Variants in TCF20 observed in about 807,000 individuals in gnomAD.
The protein encoded by TCF20 is transcription factor 20, also known as SPRE-binding protein.
A neutral mutation model predicts 148.6 loss-of-function variants in TCF20; 3 were observed. That is an observed-to-expected ratio of 0.02 (90% CI 0.01 to 0.05). The LOEUF is 0.05. TCF20 is among the 10% of genes least tolerant of loss of function. The probability of loss-of-function intolerance (pLI) is 1.00; values close to 1 mark genes in which losing one functional copy is unlikely to be tolerated. For synonymous variants in TCF20, 1,049 were observed against 909.5 expected (o/e 1.15, Z -2.76); for missense variants, 2,350 against 2,429.3 (o/e 0.97, Z 0.69).
chr22:42,260,426 A>C (rs1925966112), intron 1 of TCF20, among the ~76,000 whole-genome samples: 1 of 152,182 alleles, frequency 6.6e-6, no homozygotes. Flanking sequence ...AAGTGGAAAA[A>C]ATGGTTTGGG....
chr22:42,183,308 T>C (rs550308182), intron 2 of TCF20, among the ~76,000 whole-genome samples: 304 of 152,304 alleles, frequency 2.0e-3, no homozygotes, highest in African/African-American at 7.1e-3. Context: ...TGATCTTATA[T>C]ATACAAAATC....
chr22:42,326,916 T>C (rs1326678575), intron 1 of TCF20, among the ~76,000 whole-genome samples: 1 of 152,150 alleles, frequency 6.6e-6, no homozygotes, highest in African/African-American at 2.4e-5. Context: ...ACTCACTCAA[T>C]CCTTTACCAA....
intron 3 of TCF20, among the ~76,000 whole-genome samples, chr22:42,174,967 G>A (rs889885038): frequency 2.1e-4 from 32 of 151,690 alleles, no homozygotes; most frequent in African/African-American, 9.7e-5. Context: ...CCCGGGAGGC[G>A]GAGCTTGCAG....
chr22:42,238,314 G>A (rs865915135), intron 1 of TCF20, among the ~76,000 whole-genome samples: 1 of 152,194 alleles, frequency 6.6e-6, no homozygotes, highest in Admixed American at 6.5e-5. Context: ...AGTGAAAAGA[G>A]AAAGTCTTGC....
intron 1 of TCF20, among the ~76,000 whole-genome samples, chr22:42,239,512 G>A (rs1446362349): frequency 2.0e-5 from 3 of 151,926 alleles, no homozygotes; most frequent in Non-Finnish European, 4.4e-5. Flanking sequence ...TTCAGGCCAG[G>A]TGTGGTGGCT....
At chr22:42,323,184 G>A (rs1050996050) in intron 1 of TCF20, among the ~76,000 whole-genome samples, 13 of 151,740 alleles carry the variant, frequency 8.6e-5, no homozygotes, top group Non-Finnish European at 1.2e-4. Context: ...TTACAGGCGT[G>A]AGCCACCACG....
At chr22:42,241,016 C>T (rs1039511056) in intron 1 of TCF20, among the ~76,000 whole-genome samples, 5 of 152,170 alleles carry the variant, frequency 3.3e-5, no homozygotes, top group South Asian at 2.1e-4. Flanking sequence ...CCATCACGCC[C>T]GGCTAATTTC....
chr22:42,278,605 T>A (rs1223399622), intron 1 of TCF20: 1 of 152,246 alleles, frequency 6.6e-6, no homozygotes, highest in Non-Finnish European at 1.5e-5. Context: ...AGGAGGAGGC[T>A]GCCTGGGTTT....
intron 1 of TCF20, among the ~76,000 whole-genome samples, chr22:42,229,386 T>C (rs1460653232): frequency 6.6e-6 from 1 of 152,200 alleles, no homozygotes; most frequent in African/African-American, 2.4e-5. Context: ...CGGCAGGATA[T>C]CCAGTCTGTA....
chr22:42,225,470 C>T (rs909939336), intron 1 of TCF20, among the ~76,000 whole-genome samples: 107 of 150,602 alleles, frequency 7.1e-4, no homozygotes, highest in African/African-American at 2.5e-3. Flanking sequence ...AAAAATTAGC[C>T]GGGCGCGGTG....
rs1230673418 is a variant in TCF20, at chr22:42,317,753, G to A, written c.-37+25726C>T. Among the ~76,000 whole-genome samples, 1 of 152,326 alleles carries A rather than the reference G, an allele frequency of 6.6e-6. No homozygotes were observed. The highest frequency in any genetic ancestry group is 2.1e-4 in the South Asian group (1 of 4,826). ...GTGGGGAGGGTGGAAGAAGGGAGCC[G>A]AGGTGGGCACAGGGCGATCCCTCCC... On this transcript the variant is annotated intron_variant, in intron 1 of 1. Transcript: ENST00000515426. The surrounding 1 kb of genome is among the most constrained non-coding windows in gnomAD (Gnocchi z 4.2).
At chr22:42,263,529 C>A (rs184137942) in intron 1 of TCF20, among the ~76,000 whole-genome samples, 1 of 152,120 alleles carries the variant, frequency 6.6e-6, no homozygotes, top group Non-Finnish European at 1.5e-5. Flanking sequence ...TTTTAGCCAC[C>A]TATCAGGAGT....
At chr22:42,184,267 G>A (rs768782603) in intron 2 of TCF20, among the ~76,000 whole-genome samples, 7 of 152,132 alleles carry the variant, frequency 4.6e-5, no homozygotes, top group Non-Finnish European at 8.8e-5. Flanking sequence ...AGAGAACTTA[G>A]AACTTTACCT....
In TCF20 at chr22:42,294,089, A is replaced by T. The variant is rs1927182026; in HGVS notation, c.-37+49390T>A. Reference sequence around the variant, plus strand: ...GGAAGTGATAGAGCCCTAGGACAGGAGCCAGGAAGAGCCTGGGAAGTGGGA... The same window carrying T: ...GGAAGTGATAGAGCCCTAGGACAGGTGCCAGGAAGAGCCTGGGAAGTGGGA... On this transcript the variant is annotated intron_variant, in intron 1 of 1. Coordinates refer to the TCF20 transcript ENST00000515426. Among the ~76,000 whole-genome samples the T allele has an allele frequency of 2.0e-5, 3 of 152,180 alleles. No homozygotes were observed. The South Asian group carries it at 6.2e-4, about 31-fold the overall frequency.
Position 42,209,672 on chromosome 22 carries a change from C to T in TCF20, c.5634G>A (p.Ala1878=), listed in dbSNP as rs763222374. Residue 1878 remains alanine, a synonymous_variant, in exon 2 of 6, where the codon GCG becomes GCA. Transcript: ENST00000677622. The stretch of plus-strand genomic sequence containing the variant: ...TCACCATCTCTCTGGCTATTTCCAG[C>T]GCTTCCTGCAGGCCATAGAGCCTGC... ...VCGRLYGLQE[A]LEIAREMKCS... The T allele has an allele frequency of 1.1e-5, 17 of 1,609,214 alleles. No individual in the cohort carries two copies. Among genetic ancestry groups the T allele is most frequent in the East Asian group, 4.5e-5 (2 of 44,844 alleles).
chr22:42,178,198 T>A (rs1020257795), intron 3 of TCF20, among the ~76,000 whole-genome samples: 1 of 152,200 alleles, frequency 6.6e-6, no homozygotes, highest in African/African-American at 2.4e-5. Flanking sequence ...GTTTCTTTCA[T>A]GTGGCTGTTC....
At chr22:42,217,467 T>C (rs1194875506) in intron 1 of TCF20, among the ~76,000 whole-genome samples, 1 of 152,202 alleles carries the variant, frequency 6.6e-6, no homozygotes, top group East Asian at 1.9e-4. Context: ...AACAGACACA[T>C]ATATGCTACT....
chr22:42,218,711 G>A (rs1922045948), intron 1 of TCF20, among the ~76,000 whole-genome samples: 4 of 151,980 alleles, frequency 2.6e-5, no homozygotes, highest in Admixed American at 1.3e-4. Flanking sequence ...TTCCTAAATA[G>A]GAGCCACCAA....
At position 42,211,163 on chromosome 22, in the gene TCF20, C is replaced by T. The variant is rs370978557; in HGVS notation, c.4143G>A (p.Thr1381=). 35 of 1,614,072 alleles carry T rather than the reference C, an allele frequency of 2.2e-5. No individual in the cohort carries two copies. Among genetic ancestry groups the T allele is most frequent in the African/African-American group, 2.7e-5 (2 of 74,920 alleles). ...TCTTCAAAGACAGTATATCATCAAG[C>T]GTAACCGTGTCTCCCCCAGCCTCCG... The part of the protein sequence containing the change: ...NSAEAGGDTV[T]LDDILSLKSG... The change falls in exon 2 of 6, where the codon ACG becomes ACA. Residue 1381 remains threonine (T), a synonymous_variant. Transcript: ENST00000677622.
Sources: allele counts gnomAD v4.1 joint callset (sites outside exome capture counted in the v4.1 genomes callset), GRCh38; gene constraint gnomAD v4.1.1; non-coding constraint Gnocchi (gnomAD v3.1); transcripts MANE v1.5; gene names NCBI Gene and HGNC (gene_info 2026-07-23, HGNC 2026-07-21).